Variants in MBTD1 observed in about 807,000 individuals in gnomAD.
MBTD1 encodes mbt domain containing 1.
Under a neutral mutation model 87.8 loss-of-function variants are expected in MBTD1, and 24 were observed. The ratio of observed to expected loss-of-function variants is 0.27; its 90% CI spans 0.20 to 0.38. The LOEUF (loss-of-function observed/expected upper bound fraction) is 0.38. Among genes scored for constraint, MBTD1 ranks in the 10% least tolerant of loss-of-function variants. The pLI is 1.00. For synonymous variants in MBTD1, 237 were observed against 248.6 expected (o/e 0.95, Z 0.44); for missense variants, 436 against 760.2 (o/e 0.57, Z 5.02).
At chr17:51,243,185 T>C (rs1454840646) in intron 2 of MBTD1, among the ~76,000 whole-genome samples, 1 of 152,214 alleles carries the variant, frequency 6.6e-6, no homozygotes, top group Non-Finnish European at 1.5e-5. Flanking sequence ...CCAGCAATAT[T>C]GAGAGTGCTT....
intron 16 of MBTD1, chr17:51,191,969 A>G: frequency 2.0e-6 from 1 of 500,278 alleles, no homozygotes; most frequent in Non-Finnish European, 3.5e-6. Context: ...CACAGACTCT[A>G]TTCTTTACCA....
In MBTD1 at chr17:51,228,814, C is replaced by T. The variant is rs373131347; in HGVS notation, c.-48-3605G>A. Among the ~76,000 whole-genome samples the T allele has an allele frequency of 5.0e-3, 725 of 145,318 alleles. 6 individuals are homozygous for T. The highest frequency in any genetic ancestry group is 0.029 in the Middle Eastern group (8 of 272). ...CGGGAGGCTGAGGCAGGGAGAAATGCTTGAACCCGGGAGGCAGAGATTGCA... is the reference window on the plus strand; with the variant it reads ...CGGGAGGCTGAGGCAGGGAGAAATGTTTGAACCCGGGAGGCAGAGATTGCA... On this transcript the variant is annotated intron_variant, in intron 2 of 16. Transcript: ENST00000586178.
intron 2 of MBTD1, among the ~76,000 whole-genome samples, chr17:51,247,339 TGA>T (rs1241447956): frequency 2.0e-5 from 3 of 152,192 alleles, no homozygotes; most frequent in Admixed American, 1.3e-4. Flanking sequence ...TAATATAGTG[TGA>T]GAGACTGCAC....
chr17:51,239,085 G>A (rs1422882649), intron 2 of MBTD1, among the ~76,000 whole-genome samples: 7 of 137,328 alleles, frequency 5.1e-5, no homozygotes, highest in Non-Finnish European at 7.7e-5. Context: ...GGGCGACCAA[G>A]CGAGTCTCCA....
At position 51,179,524 on chromosome 17, in the gene MBTD1, A is replaced by ATTT. The variant is rs1454139467; in HGVS notation, c.*1051_*1052insAAA. 4 of 107,996 alleles carry ATTT rather than the reference A, an allele frequency of 3.7e-5. No individual in the cohort carries two copies. Among genetic ancestry groups the ATTT allele is most frequent in the African/African-American group, 1.3e-4 (4 of 31,230 alleles). The allele number at this position is 107,996 out of a possible 1,614,324, so 6.7% of individuals were successfully genotyped here. A position where few individuals can be genotyped will look rare whatever the true frequency, so the allele number is the denominator to read the frequency against. On this transcript the variant is annotated 3_prime_UTR_variant, in exon 17 of 17. Coordinates refer to ENST00000586178, the MANE Select transcript of MBTD1 (RefSeq NM_017643.3). The stretch of plus-strand genomic sequence containing the variant: ...TATATATATATATATATATATATAT[A>ATTT]TATATATATATATGGAATTTTAAGA...
intron 12 of MBTD1, among the ~76,000 whole-genome samples, chr17:51,198,704 C>T (rs1001097736): frequency 3.3e-5 from 5 of 152,202 alleles, no homozygotes; most frequent in African/African-American, 7.2e-5. Flanking sequence ...CCCAGCTCAG[C>T]GTCCCAAAGT....
intron 16 of MBTD1, among the ~76,000 whole-genome samples, chr17:51,188,484 C>G (rs987546121): frequency 3.9e-5 from 6 of 152,170 alleles, no homozygotes; most frequent in African/African-American, 1.4e-4. Flanking sequence ...GATGAAGCAA[C>G]AGAGCCAGAA....
Position 51,179,484 on chromosome 17 carries a change from T to TATATATATATATATATATA in MBTD1, c.*1091_*1092insTATATATATATATATATAT, listed in dbSNP as rs60957699. 8 of 35,304 alleles carry TATATATATATATATATATA rather than the reference T, an allele frequency of 2.3e-4. No homozygotes were observed. Among genetic ancestry groups the TATATATATATATATATATA allele is most frequent in the African/African-American group, 5.9e-4 (7 of 11,910 alleles). The allele number at this position is 35,304 out of a possible 1,614,324, so 2.2% of individuals were successfully genotyped here. On this transcript the variant is annotated 3_prime_UTR_variant, in exon 17 of 17. Coordinates refer to ENST00000586178, the MANE Select transcript of MBTD1 (RefSeq NM_017643.3). ...ATCCTGAATACAATTAAAGACAATT[T>TATATATATATATATATATA]TATATATATATATATATATATATAT...
intron 16 of MBTD1, 45 bp downstream of exon 16, chr17:51,192,158 A>T: frequency 1.6e-6 from 2 of 1,253,176 alleles, no homozygotes; most frequent in Non-Finnish European, 2.3e-6. Flanking sequence ...GACTCCAATT[A>T]GTTAACAATT....
chr17:51,196,424 A>T (rs1008836367), intron 12 of MBTD1, among the ~76,000 whole-genome samples: 1 of 151,754 alleles, frequency 6.6e-6, no homozygotes, highest in African/African-American at 2.4e-5. Flanking sequence ...GGATTTCATC[A>T]TGTTGGCCAG....
intron 6 of MBTD1, among the ~76,000 whole-genome samples, chr17:51,215,995 A>C (rs1304691169): frequency 8.8e-5 from 12 of 137,036 alleles, no homozygotes. Flanking sequence ...GCAGTGGCGT[A>C]ATCTCAGCTC....
chr17:51,181,577 A>G (rs1163869820), intron 16 of MBTD1, among the ~76,000 whole-genome samples: 1 of 152,138 alleles, frequency 6.6e-6, no homozygotes, highest in South Asian at 2.1e-4. Context: ...GGATTGCTGG[A>G]GCCCAGGAGT....
At position 51,196,225 on chromosome 17, in the gene MBTD1, CT is replaced by C. The variant is rs770871296; in HGVS notation, c.1225-865del. ...CCACGTCTGGCTGTGCCCACCCTGC[CT>C]TTTTTTTTTTTTTTTTGAGACAGAG... is the stretch of plus-strand genomic sequence containing the variant. On this transcript the variant is annotated intron_variant, in intron 12 of 16. Coordinates refer to ENST00000586178, the MANE Select transcript of MBTD1 (RefSeq NM_017643.3). Among the ~76,000 whole-genome samples the C allele has an allele frequency of 4.8e-3, 644 of 134,580 alleles. 1 individual carries two copies. Among genetic ancestry groups the C allele is most frequent in the African/African-American group, 0.013 (465 of 36,562 alleles). 88.3% of individuals were successfully genotyped at this position (134,580 alleles called of 152,430 possible).
At chr17:51,239,402 A>G (rs1030418486) in intron 2 of MBTD1, among the ~76,000 whole-genome samples, 28 of 152,116 alleles carry the variant, frequency 1.8e-4, no homozygotes, top group Admixed American at 5.2e-4. Context: ...TTATTTATAA[A>G]TTTATAAGTT....
At chr17:51,245,002 G>A (rs2054349942) in intron 2 of MBTD1, among the ~76,000 whole-genome samples, 1 of 152,148 alleles carries the variant, frequency 6.6e-6, no homozygotes, top group South Asian at 2.1e-4. Flanking sequence ...CCAGGTTCAA[G>A]TGATTTTCCT....
At chr17:51,252,299 C>T (rs900869707) in intron 2 of MBTD1, among the ~76,000 whole-genome samples, 6 of 152,132 alleles carry the variant, frequency 3.9e-5, no homozygotes, top group Non-Finnish European at 7.3e-5. Context: ...TATCTTAAAA[C>T]GTTTTAAATT....
At chr17:51,198,080 T>G (rs546283324) in intron 12 of MBTD1, among the ~76,000 whole-genome samples, 15 of 152,350 alleles carry the variant, frequency 9.8e-5, no homozygotes, top group African/African-American at 3.1e-4. Flanking sequence ...ATCCGCATGC[T>G]GAACACAGTC....
chr17:51,255,640 G>C (rs1216197945), intron 2 of MBTD1, among the ~76,000 whole-genome samples: 2 of 149,204 alleles, frequency 1.3e-5, no homozygotes, highest in African/African-American at 5.0e-5. Flanking sequence ...CTGTCGCCCA[G>C]GCTGGAGTCC....
chr17:51,239,410 G>GT (rs1434277137), intron 2 of MBTD1, among the ~76,000 whole-genome samples: 2 of 151,972 alleles, frequency 1.3e-5, no homozygotes, highest in Non-Finnish European at 2.9e-5. Flanking sequence ...AAATTTATAA[G>GT]TTACAACAAT....
Sources: allele counts gnomAD v4.1 joint callset (sites outside exome capture counted in the v4.1 genomes callset), GRCh38; gene constraint gnomAD v4.1.1; transcripts MANE v1.5; gene names NCBI Gene and HGNC (gene_info 2026-07-23, HGNC 2026-07-21).